NR4A1: variants seen among roughly 807,000 people sequenced by gnomAD.
NR4A1 encodes nuclear receptor subfamily 4 group A member 1.
Under a neutral mutation model 47.5 loss-of-function variants are expected in NR4A1, and 24 were observed. The ratio of observed to expected loss-of-function variants is 0.50; its 90% CI spans 0.37 to 0.71. The LOEUF is 0.71. Among genes scored for constraint, NR4A1 ranks in the 30% least tolerant of loss-of-function variants. NR4A1 has a pLI of 0.00. For synonymous variants in NR4A1, 353 were observed against 345.7 expected, an observed-to-expected ratio of 1.02 and a Z score of -0.24; for missense variants, 669 against 788.6, an observed-to-expected ratio of 0.85 and a Z score of 1.82.
chr12:52,051,307 CG>C, upstream of NR4A1: 1 of 699,536 alleles, frequency 1.4e-6, no homozygotes, highest in Non-Finnish European at 1.8e-6. Context: ...TCCCCCTGGC[CG>C]CCTCCCGCCG....
Position 52,037,297 on chromosome 12 carries a change from G to A in NR4A1, c.-83-4513G>A, listed in dbSNP as rs1217494648. The A allele has an allele frequency of 1.0e-5, 9 of 868,762 alleles. No individual in the cohort carries two copies. The East Asian group carries it at 3.7e-4, about 35-fold the overall frequency. 53.8% of individuals were successfully genotyped at this position (868,762 alleles called of 1,614,324 possible). The stretch of plus-strand genomic sequence containing the variant: ...AGCGCGAGGAGGAGGTGGCGGCGGC[G>A]GCGGAACTGGCGGGGGTCCCCTCGC... On this transcript the variant is annotated intron_variant, in intron 1 of 7. Coordinates refer to the NR4A1 transcript ENST00000360284.
chr12:52,034,848 A>T (rs1480587455), intron 1 of NR4A1, among the ~76,000 whole-genome samples: 1 of 152,194 alleles, frequency 6.6e-6, no homozygotes, highest in East Asian at 1.9e-4. Context: ...CAAGGTCCCA[A>T]GTCCTCCAAG....
At chr12:52,047,028 G>C (rs185277375), upstream of NR4A1, among the ~76,000 whole-genome samples, 19 of 151,574 alleles carry the variant, frequency 1.3e-4, no homozygotes, top group Non-Finnish European at 2.6e-4. Flanking sequence ...GCCGTGGTGT[G>C]GGGGCCTGAC....
chr12:52,053,117 T>C (rs2120449727), intron 1 of NR4A1, among the ~76,000 whole-genome samples: 1 of 152,252 alleles, frequency 6.6e-6, no homozygotes, highest in East Asian at 1.9e-4. Context: ...CTTCCCTCAT[T>C]GACTGGTGAG....
At chr12:52,035,391 C>CT (rs150784685) in intron 1 of NR4A1, among the ~76,000 whole-genome samples, 4,042 of 152,226 alleles carry the variant, frequency 0.027, 111 homozygotes, top group African/African-American at 0.066. Flanking sequence ...TAACTGAGCC[C>CT]TTTTTTTCCC....
intron 6 of NR4A1, among the ~76,000 whole-genome samples, chr12:52,058,071 G>T (rs1189146845): frequency 2.0e-5 from 3 of 152,086 alleles, no homozygotes; most frequent in African/African-American, 7.2e-5. Flanking sequence ...TGATCCTCCT[G>T]TCTCAGCCTC....
chr12:52,035,860 T>A (rs1938224772), intron 1 of NR4A1, among the ~76,000 whole-genome samples: 1 of 151,960 alleles, frequency 6.6e-6, no homozygotes, highest in South Asian at 2.1e-4. Flanking sequence ...GAGGGCTGAG[T>A]GGAGGTGTGG....
At chr12:52,058,612 T>A (rs1939393853) in intron 6 of NR4A1, 76 bp from the exon 7 acceptor site, 15 of 1,455,124 alleles carry the variant, frequency 1.0e-5, no homozygotes, top group Non-Finnish European at 1.4e-5. Context: ...GGCAGCAGTT[T>A]TAGGGGCCTG....
intron 1 of NR4A1, chr12:52,037,904 G>GT (rs1167706221): frequency 2.1e-6 from 2 of 953,574 alleles, no homozygotes; most frequent in Non-Finnish European, 2.4e-6. Flanking sequence ...TCCCAGGCGT[G>GT]TTTTTTTGTT....
intron 2 of NR4A1, among the ~76,000 whole-genome samples, chr12:52,044,436 C>T (rs1330509963): frequency 6.6e-6 from 1 of 152,214 alleles, no homozygotes; most frequent in Non-Finnish European, 1.5e-5. Flanking sequence ...GGCAAGTCCG[C>T]CAACCAGCTT....
chr12:52,030,575 T>G (rs971460947), intron 1 of NR4A1, among the ~76,000 whole-genome samples: 8 of 152,146 alleles, frequency 5.3e-5, no homozygotes, highest in African/African-American at 1.9e-4. Flanking sequence ...ATTACAGGCA[T>G]AGGCCACCAT....
exon 2 of NR4A1, chr12:52,041,897 G>T: frequency 6.6e-7 from 1 of 1,521,240 alleles, no homozygotes; most frequent in Non-Finnish European, 8.8e-7. Flanking sequence ...GGGATAATGT[G>T]GTTGGCCAAG....
rs45440694 is a variant in NR4A1, at chr12:52,056,391, T to C, written c.1007-103T>C. ...CTTGGATCTCAGGGACTCTGGGTCCTAGGGACTCGGTGGGGCGCGTCTCAG... is the reference window on the plus strand; with the variant it reads ...CTTGGATCTCAGGGACTCTGGGTCCCAGGGACTCGGTGGGGCGCGTCTCAG... On this transcript the variant is annotated intron_variant, in intron 3 of 6. Transcript: ENST00000394825. 8.1e-5 allele frequency: 122 copies of C among 1,500,438 alleles called. 2 individuals are homozygous for C. The East Asian group carries it at 2.4e-3, about 29-fold the overall frequency. 92.9% of individuals were successfully genotyped at this position (1,500,438 alleles called of 1,614,324 possible).
chr12:52,038,781 C>T (rs750141446), intron 1 of NR4A1: 7 of 762,592 alleles, frequency 9.2e-6, no homozygotes, highest in Admixed American at 3.4e-5. Context: ...CCGAGATTAA[C>T]GGTGTGAATG....
chr12:52,053,942 A>T, intron 1 of NR4A1: 1 of 216,966 alleles, frequency 4.6e-6, no homozygotes, highest in Non-Finnish European at 9.1e-6. Flanking sequence ...TGCCTCTCCC[A>T]CTCACCCTTC....
At chr12:52,045,499 G>A (rs1938598290) in intron 2 of NR4A1, 1 of 451,796 alleles carries the variant, frequency 2.2e-6, no homozygotes. Context: ...GACAGTGGGG[G>A]AGCCCAGGCC....
chr12:52,032,699 C>T (rs998811240), intron 1 of NR4A1, among the ~76,000 whole-genome samples: 4 of 152,162 alleles, frequency 2.6e-5, no homozygotes, highest in African/African-American at 9.7e-5. Flanking sequence ...TTCGGTACCT[C>T]TTTATTTCTT....
chr12:52,058,371 A>G, intron 6 of NR4A1: 1 of 345,594 alleles, frequency 2.9e-6, no homozygotes, highest in Non-Finnish European at 5.2e-6. Flanking sequence ...TGGGTTTCTC[A>G]GAACAGTCTA....
upstream of NR4A1, among the ~76,000 whole-genome samples, chr12:52,046,402 G>C (rs1376718976): frequency 1.3e-5 from 2 of 152,164 alleles, no homozygotes; most frequent in African/African-American, 2.4e-5. Flanking sequence ...CTGAGTACAT[G>C]ATAAATCCCT....
Sources: gnomAD v4.1 joint callset for allele counts (sites outside exome capture counted in the v4.1 genomes callset) on GRCh38, gnomAD v4.1.1 for gene constraint, MANE v1.5 for transcripts, NCBI Gene and HGNC (gene_info 2026-07-23, HGNC 2026-07-21) for gene names.